Variants in RBKS observed in about 807,000 individuals in gnomAD.
RBKS encodes ribokinase.
RBKS carries 33 observed loss-of-function variants against 33.9 expected under a neutral mutation model. That is an observed-to-expected ratio of 0.97 (90% CI 0.74 to 1.30). The LOEUF (loss-of-function observed/expected upper bound fraction) is 1.30, where lower values mean the gene tolerates loss of function less well. RBKS is among the 50% of genes most tolerant of loss of function. The pLI, the probability that RBKS is intolerant of heterozygous loss-of-function variation, is 0.00. For synonymous variants in RBKS, 125 were observed against 143.0 expected (o/e 0.87, Z 0.90); for missense variants, 361 against 392.6 (o/e 0.92, Z 0.68).
chr2:27,826,458 G>C (rs1678315422), intron 7 of RBKS, among the ~76,000 whole-genome samples: 1 of 149,004 alleles, frequency 6.7e-6, no homozygotes, highest in Non-Finnish European at 1.5e-5. Flanking sequence ...TGCCAGGCTA[G>C]AGTGCAGTGG....
intron 1 of RBKS, among the ~76,000 whole-genome samples, chr2:27,867,256 C>T (rs1022092009): frequency 6.6e-6 from 1 of 151,930 alleles, no homozygotes; most frequent in Non-Finnish European, 1.5e-5. Flanking sequence ...CTAGTTACTC[C>T]AACATGGGCA....
At chr2:27,871,125 AG>A (rs1260642059) in intron 1 of RBKS, among the ~76,000 whole-genome samples, 1 of 152,224 alleles carries the variant, frequency 6.6e-6, no homozygotes, top group Non-Finnish European at 1.5e-5. Context: ...AGCAGCAGGC[AG>A]GGTCAACTCT....
intron 7 of RBKS, among the ~76,000 whole-genome samples, chr2:27,820,388 C>G (rs1678176051): frequency 2.0e-5 from 3 of 152,116 alleles, no homozygotes; most frequent in Admixed American, 2.0e-4. Flanking sequence ...GTAAATGGCA[C>G]TACATTATTA....
At chr2:27,889,033 A>C (rs1362652061) in intron 1 of RBKS, among the ~76,000 whole-genome samples, 1 of 152,226 alleles carries the variant, frequency 6.6e-6, no homozygotes, top group African/African-American at 2.4e-5. Context: ...GGTATTTAAA[A>C]TTCTTTTGTT....
chr2:27,854,442 T>G (rs573770705), intron 2 of RBKS, among the ~76,000 whole-genome samples: 39 of 152,300 alleles, frequency 2.6e-4, no homozygotes, highest in African/African-American at 9.4e-4. Flanking sequence ...GGTCAAAACA[T>G]GGTGCAATGA....
intron 7 of RBKS, among the ~76,000 whole-genome samples, chr2:27,801,992 A>ATATATATATT (rs1558536561): frequency 2.3e-5 from 1 of 42,690 alleles, no homozygotes; most frequent in African/African-American, 1.3e-4. Flanking sequence ...ATATATATAT[A>ATATATATATT]TTTTTTTTTT....
rs943517436 is a variant in RBKS at position 27,795,529 on chromosome 2, G to A, written c.796-13741C>T. On this transcript the variant is annotated intron_variant, in intron 7 of 7. Coordinates refer to ENST00000302188, the MANE Select transcript of RBKS (RefSeq NM_022128.3). The surrounding 1 kb of genome is among the most constrained non-coding windows in gnomAD (Gnocchi z 4.1). Reference sequence around the variant, plus strand: ...CCTCATCAAGAGGCAGCAAAGCCGGGTATTTATATACACACACACACAACA... The same window carrying A: ...CCTCATCAAGAGGCAGCAAAGCCGGATATTTATATACACACACACACAACA... Among the ~76,000 whole-genome samples, 3 of 152,078 alleles carry A rather than the reference G, an allele frequency of 2.0e-5. No individual in the cohort carries two copies. The highest frequency in any genetic ancestry group is 4.4e-5 in the Non-Finnish European group (3 of 68,030).
intron 1 of RBKS, among the ~76,000 whole-genome samples, chr2:27,878,192 C>A (rs1664351925): frequency 6.6e-6 from 1 of 151,782 alleles, no homozygotes; most frequent in South Asian, 2.1e-4. Flanking sequence ...TGCCCCCACC[C>A]CACAACAGTC....
chr2:27,792,008 G>A (rs960788944), intron 7 of RBKS, among the ~76,000 whole-genome samples: 9 of 152,070 alleles, frequency 5.9e-5, no homozygotes, highest in Admixed American at 2.0e-4. Context: ...GAAGGCAGAG[G>A]GGTGGGTATG....
At chr2:27,791,389 C>A (rs1469316231) in intron 7 of RBKS, among the ~76,000 whole-genome samples, 1 of 152,148 alleles carries the variant, frequency 6.6e-6, no homozygotes, top group Non-Finnish European at 1.5e-5. Flanking sequence ...ATCTTCTAAT[C>A]TGTTGAGGGC....
intron 2 of RBKS, among the ~76,000 whole-genome samples, chr2:27,849,576 AAAAAAAAAAAGAAAAAGAAAAAAAG>A: frequency 6.8e-6 from 1 of 147,834 alleles, no homozygotes; most frequent in South Asian, 2.1e-4. Context: ...AAAAAAAAAA[AAAAAAAAAAAGAAAAAGAAAAAAAG>A]AAAAAAAAGA....
rs558069388 is a variant in RBKS at position 27,782,604 on chromosome 2, G to T, written c.796-816C>A. 39 of 467,582 alleles carry T rather than the reference G, an allele frequency of 8.3e-5. 1 individual carries two copies. Among genetic ancestry groups the T allele is most frequent in the South Asian group, 3.1e-4 (20 of 64,274 alleles). 29.0% of individuals were successfully genotyped at this position (467,582 alleles called of 1,614,324 possible). On this transcript the variant is annotated intron_variant, in intron 7 of 7. Transcript: ENST00000302188. ...TTATGGTTTTTGGAAGACCACAGAG[G>T]TGAAATGTCATTTTCATCACATCAT...
rs184160354 is a variant in RBKS at position 27,833,024 on chromosome 2, T to C, written c.515-247A>G. Among the ~76,000 whole-genome samples, 19 of 152,242 alleles carry C rather than the reference T, an allele frequency of 1.2e-4. No individual in the cohort carries two copies. In the East Asian group the frequency reaches 3.7e-3, roughly 29 times the overall value. On this transcript the variant is annotated intron_variant, in intron 5 of 7. Coordinates refer to ENST00000302188, the MANE Select transcript of RBKS (RefSeq NM_022128.3). ...TTTCAGCTTCCAGGGAAAAGAGCAA[T>C]ATAACAGTCAACGTGATTATAGAGT... is the stretch of plus-strand genomic sequence containing the variant.
At chr2:27,832,893 A>G in intron 5 of RBKS, 116 bp from the exon 6 acceptor site, 1 of 699,210 alleles carries the variant, frequency 1.4e-6, no homozygotes, top group Admixed American at 2.2e-5. Context: ...ATCTGGTTAA[A>G]TATCCACTTA....
At chr2:27,849,559 CAAAAAAA>C (rs70953894) in intron 2 of RBKS, among the ~76,000 whole-genome samples, 88 of 28,584 alleles carry the variant, frequency 3.1e-3, no homozygotes, top group Admixed American at 7.4e-3. Flanking sequence ...GACTCTGTCT[CAAAAAAA>C]AAAAAAAAAA....
chr2:27,851,900 A>T (rs1451382830), intron 2 of RBKS, among the ~76,000 whole-genome samples: 1 of 152,196 alleles, frequency 6.6e-6, no homozygotes, highest in East Asian at 1.9e-4. Flanking sequence ...GAATGGTTCC[A>T]TACAAGGTTT....
rs112329868 is a variant in RBKS at position 27,795,112 on chromosome 2, G to A, written c.796-13324C>T. 1.3e-4 allele frequency among the ~76,000 whole-genome samples: 20 copies of A among 152,260 alleles called. No individual in the cohort carries two copies. Among genetic ancestry groups the A allele is most frequent in the African/African-American group, 4.3e-4 (18 of 41,550 alleles). On this transcript the variant is annotated intron_variant, in intron 7 of 7. Transcript: ENST00000302188. This position sits in a 1 kb window ranked among gnomAD's most constrained non-coding sequence, Gnocchi z 4.1. ...ATGTGTTAAACTCTTACGAGAGGTCGGAAATCTCGTCCATGTCTTTCCCTG... is the reference window on the plus strand; with the variant it reads ...ATGTGTTAAACTCTTACGAGAGGTCAGAAATCTCGTCCATGTCTTTCCCTG...
At chr2:27,874,201 A>G (rs1245008244) in intron 1 of RBKS, among the ~76,000 whole-genome samples, 1 of 152,240 alleles carries the variant, frequency 6.6e-6, no homozygotes, top group Admixed American at 6.5e-5. Context: ...ATTGTATTCA[A>G]TGAAGAAAAT....
intron 7 of RBKS, chr2:27,782,826 G>T: frequency 4.1e-6 from 1 of 245,866 alleles, no homozygotes. Flanking sequence ...CCACTCTTAA[G>T]GGTTGGGGAA....
Sources: gnomAD v4.1 joint callset for allele counts (sites outside exome capture counted in the v4.1 genomes callset) on GRCh38, gnomAD v4.1.1 for gene constraint, Gnocchi (gnomAD v3.1) non-coding constraint, MANE v1.5 for transcripts, NCBI Gene and HGNC (gene_info 2026-07-23, HGNC 2026-07-21) for gene names.